Variants in EIF2B3 observed in about 807,000 individuals in gnomAD.
EIF2B3 encodes the protein eukaryotic translation initiation factor 2B subunit gamma.
EIF2B3 carries 20 observed loss-of-function variants against 54.1 expected under a neutral mutation model. The observed-to-expected ratio is 0.37, with a 90% CI of 0.26 to 0.54. The LOEUF is 0.54. EIF2B3 is among the 20% of genes least tolerant of loss of function. The pLI is 0.86. For missense variants in EIF2B3, 448 were observed against 547.8 expected (o/e 0.82, Z 1.82); for synonymous variants, 153 against 188.1 (o/e 0.81, Z 1.52).
intron 5 of EIF2B3, among the ~76,000 whole-genome samples, chr1:44,921,923 A>T (rs574518884): frequency 4.7e-5 from 7 of 148,634 alleles, no homozygotes; most frequent in South Asian, 2.1e-4. Flanking sequence ...TATTTTATTT[A>T]TTTTTTTTTG....
At chr1:44,963,432 G>C (rs1644306127) in intron 3 of EIF2B3, among the ~76,000 whole-genome samples, 1 of 151,738 alleles carries the variant, frequency 6.6e-6, no homozygotes, top group Non-Finnish European at 1.5e-5. Flanking sequence ...ATCACACCTG[G>C]CTAACTGTTA....
At chr1:44,932,937 T>C (rs1643910256) in intron 4 of EIF2B3, among the ~76,000 whole-genome samples, 1 of 152,014 alleles carries the variant, frequency 6.6e-6, no homozygotes, top group Admixed American at 6.6e-5. Context: ...CTACAGAAAA[T>C]GTGGGTATAA....
At chr1:44,972,802 G>A (rs1017694478) in intron 3 of EIF2B3, among the ~76,000 whole-genome samples, 1 of 152,046 alleles carries the variant, frequency 6.6e-6, no homozygotes, top group African/African-American at 2.4e-5. Flanking sequence ...GAGTACCTGG[G>A]ACTACAGGTG....
intron 8 of EIF2B3, among the ~76,000 whole-genome samples, chr1:44,876,608 C>T (rs1159430355): frequency 1.4e-5 from 1 of 69,466 alleles, no homozygotes; most frequent in Admixed American, 1.8e-4. Flanking sequence ...GCCGCCCCAT[C>T]CGGGAGGTGA....
At chr1:44,920,148 T>C (rs571898021) in intron 5 of EIF2B3, among the ~76,000 whole-genome samples, 5 of 151,974 alleles carry the variant, frequency 3.3e-5, no homozygotes, top group Middle Eastern at 3.4e-3. Context: ...ATCAGTGCCC[T>C]TTTTCTTATA....
intron 5 of EIF2B3, among the ~76,000 whole-genome samples, chr1:44,923,381 T>C (rs1348320397): frequency 6.6e-6 from 1 of 152,264 alleles, no homozygotes; most frequent in South Asian, 2.1e-4. Flanking sequence ...TTTGATTAGA[T>C]AGAAATAAGA....
At position 44,881,722 on chromosome 1, in the gene EIF2B3, C is replaced by T. The variant is rs113994024; in HGVS notation, c.674G>A (p.Arg225Gln). The T allele has an allele frequency of 8.7e-6, 14 of 1,613,928 alleles. No individual in the cohort carries two copies. Among genetic ancestry groups the T allele is most frequent in the African/African-American group, 4.0e-5 (3 of 74,890 alleles). ...CACTAAATATGGAATCAGTTCACTC[C>T]GGATAGAAGTTATTGACCTAGAAAG... ...LMENGSITSIRSELIPYLVRK... is the reference protein window; with the variant it reads ...LMENGSITSIQSELIPYLVRK... Residue 225 changes from arginine (R) to glutamine (Q), a missense_variant, in exon 7 of 12, where the codon CGG (arginine) becomes CAG (glutamine). Arg to Gln is a conservative substitution (Grantham distance 43). Coordinates refer to ENST00000360403, the MANE Select transcript of EIF2B3 (RefSeq NM_020365.5). The surrounding 1 kb of genome is among the most constrained non-coding windows in gnomAD (Gnocchi z 4.0).
chr1:44,958,472 T>C (rs945480882), intron 3 of EIF2B3: 5 of 752,194 alleles, frequency 6.6e-6, no homozygotes, highest in African/African-American at 5.3e-5. Context: ...TCTTTGGTGC[T>C]GTAAATCCTG....
chr1:44,978,362 C>G lies in EIF2B3; in HGVS notation c.247G>C (p.Asp83His). Reference protein sequence around the residue: ...PDIVCIPDDADMGTADSLRYI... With the variant: ...PDIVCIPDDAHMGTADSLRYI... ...CGCAAAGAATCTGCAGTTCCCATGT[C>G]AGCGTCATCAGGAATACACACAATA... The change falls in exon 3 of 12, where the codon GAC becomes CAC. Residue 83 changes from aspartate (D) to histidine (H), a missense_variant. Physicochemically the swap from Asp to His is moderately conservative, Grantham distance 81. Around this residue, in one of 3 missense-constraint regions of EIF2B3, gnomAD observed 95 missense variants for 115.7 expected, o/e 0.82. Coordinates refer to ENST00000360403, the MANE Select transcript of EIF2B3 (RefSeq NM_020365.5). The G allele has an allele frequency of 6.2e-7, 1 of 1,614,092 alleles. No homozygotes were observed. Among genetic ancestry groups the G allele is most frequent in the Non-Finnish European group, 8.5e-7 (1 of 1,180,020 alleles).
intron 4 of EIF2B3, among the ~76,000 whole-genome samples, chr1:44,930,904 G>A (rs1457202370): frequency 6.6e-6 from 1 of 152,164 alleles, no homozygotes; most frequent in Non-Finnish European, 1.5e-5. Flanking sequence ...CAAAGTGCTG[G>A]GATTACAGGT....
intron 3 of EIF2B3, among the ~76,000 whole-genome samples, chr1:44,942,417 ATTTTTTTTTTT>A (rs34978668): frequency 5.8e-4 from 3 of 5,188 alleles, no homozygotes; most frequent in South Asian, 0.024. Context: ...ATATATATAT[ATTTTTTTTTTT>A]TTTTTTTTTT....
intron 5 of EIF2B3, among the ~76,000 whole-genome samples, chr1:44,924,588 G>C (rs945091700): frequency 4.0e-5 from 6 of 151,594 alleles, no homozygotes; most frequent in African/African-American, 1.2e-4. Context: ...GGGTTTCACT[G>C]TGTTAGCCAG....
intron 2 of EIF2B3, among the ~76,000 whole-genome samples, chr1:44,980,785 T>C (rs1316139517): frequency 2.0e-5 from 3 of 152,118 alleles, no homozygotes; most frequent in Non-Finnish European, 4.4e-5. Flanking sequence ...CTTTCTGATA[T>C]CTTTACAGAG....
At chr1:44,936,547 C>T (rs1395716930) in intron 4 of EIF2B3, among the ~76,000 whole-genome samples, 9 of 151,936 alleles carry the variant, frequency 5.9e-5, no homozygotes, top group African/African-American at 1.2e-4. Context: ...GCCAAGATCG[C>T]GCCATTGCAC....
At chr1:44,897,893 T>G (rs1054442948) in intron 5 of EIF2B3, among the ~76,000 whole-genome samples, 2 of 152,012 alleles carry the variant, frequency 1.3e-5, no homozygotes, top group African/African-American at 4.8e-5. Context: ...TACACCACCA[T>G]GCCCAGCTAA....
At chr1:44,938,698 A>G (rs3125803) in intron 4 of EIF2B3, among the ~76,000 whole-genome samples, 103,722 of 151,774 alleles carry the variant, frequency 0.68, 37,458 homozygotes, top group East Asian at 0.98. Context: ...TGTTACCCAG[A>G]CTGGTCTCAA....
At chr1:44,857,938 A>G (rs1254944485) in intron 10 of EIF2B3, 131 bp from the exon 11 acceptor site, 2 of 805,776 alleles carry the variant, frequency 2.5e-6, no homozygotes, top group African/African-American at 1.7e-5. Context: ...TACGTGCCTC[A>G]AGTTATCAGT....
At chr1:44,952,556 ATTT>A (rs34153088) in intron 3 of EIF2B3, among the ~76,000 whole-genome samples, 2 of 141,498 alleles carry the variant, frequency 1.4e-5, no homozygotes, top group Non-Finnish European at 3.1e-5. Flanking sequence ...CTTTTCTCCA[ATTT>A]TTTTTTTTTT....
In EIF2B3 at chr1:44,850,555, C is replaced by A. The variant is rs1022646336; in HGVS notation, c.*396G>T. The A allele has an allele frequency of 4.2e-6, 1 of 240,926 alleles. No homozygotes were observed. The highest frequency in any genetic ancestry group is 8.2e-6 in the Non-Finnish European group (1 of 122,120). The allele number at this position is 240,926 out of a possible 1,614,324, so 14.9% of individuals were successfully genotyped here. ...AGCTAGGCCTATGGGTCTAGAAAGG[C>A]TGATTAGGATAAGGGACTGAAGTAC... On this transcript the variant is annotated 3_prime_UTR_variant, in exon 12 of 12. Coordinates refer to ENST00000360403, the MANE Select transcript of EIF2B3 (RefSeq NM_020365.5).
Sources: allele counts gnomAD v4.1 joint callset (sites outside exome capture counted in the v4.1 genomes callset), GRCh38; gene constraint gnomAD v4.1.1; regional missense constraint gnomAD v4.1.1; non-coding constraint Gnocchi (gnomAD v3.1); transcripts MANE v1.5; gene names NCBI Gene and HGNC (gene_info 2026-07-23, HGNC 2026-07-21).